The following XPR1 variants were observed in gnomAD, a reference collection of about 807,000 sequenced individuals.
XPR1 encodes xenotropic and polytropic retrovirus receptor 1.
In XPR1, 28 loss-of-function variants were observed where a neutral mutation model predicts 87.5. The observed-to-expected ratio is 0.32, with a 90% CI of 0.24 to 0.44. The LOEUF is 0.44. XPR1 is among the 20% of genes least tolerant of loss of function. XPR1 has a pLI of 1.00. For synonymous variants in XPR1, 300 were observed against 306.1 expected (o/e 0.98, Z 0.21); for missense variants, 559 against 862.3 (o/e 0.65, Z 4.41).
At chr1:180,744,646 A>ATTTTTTTTTTTT (rs1295757177) in intron 2 of XPR1, among the ~76,000 whole-genome samples, 19 of 48,156 alleles carry the variant, frequency 3.9e-4, no homozygotes, top group African/African-American at 8.3e-4. Context: ...TTTAGGCACA[A>ATTTTTTTTTTTT]TTTCTTTCTT....
At chr1:180,803,750 A>G (rs1649881333) in intron 4 of XPR1, 139 bp downstream of exon 4, 3 of 698,216 alleles carry the variant, frequency 4.3e-6, no homozygotes, top group Non-Finnish European at 7.0e-6. Flanking sequence ...TGGGGTTCCT[A>G]CTGGCTAAAA....
chr1:180,841,746 A>G (rs1651522086), intron 11 of XPR1, among the ~76,000 whole-genome samples: 7 of 152,196 alleles, frequency 4.6e-5, no homozygotes, highest in Admixed American at 4.6e-4. Context: ...AGAAACAAAA[A>G]CACTTTTTAG....
chr1:180,632,377 A>C (rs963249936), intron 1 of XPR1, 107 bp downstream of exon 1: 2 of 1,419,226 alleles, frequency 1.4e-6, no homozygotes, highest in African/African-American at 2.8e-5. Context: ...GCCCGGGCAG[A>C]CTTTGACCCG....
chr1:180,658,950 G>A (rs1241139667), intron 1 of XPR1, among the ~76,000 whole-genome samples: 1 of 152,120 alleles, frequency 6.6e-6, no homozygotes, highest in Non-Finnish European at 1.5e-5. Context: ...TTGCATTCCT[G>A]GGATAAATCT....
At chr1:180,685,787 A>T (rs1322726421) in intron 2 of XPR1, among the ~76,000 whole-genome samples, 24 of 152,128 alleles carry the variant, frequency 1.6e-4, no homozygotes, top group Non-Finnish European at 4.4e-5. Flanking sequence ...AGGTGTTTAT[A>T]GTATTCTCTG....
At chr1:180,670,354 T>A (rs1016362258) in intron 1 of XPR1, among the ~76,000 whole-genome samples, 1 of 152,198 alleles carries the variant, frequency 6.6e-6, no homozygotes, top group Admixed American at 6.5e-5. Context: ...ATGTTTACAT[T>A]TCTTTTTCAT....
intron 6 of XPR1, among the ~76,000 whole-genome samples, chr1:180,807,216 G>A (rs537931889): frequency 2.0e-5 from 3 of 152,144 alleles, no homozygotes; most frequent in African/African-American, 4.8e-5. Flanking sequence ...TAGCCAGTGC[G>A]GTAAGGGAAG....
In XPR1 at chr1:180,835,496, A is replaced by ACCC. The variant is rs111339401; in HGVS notation, c.1306+457_1306+459dup. Among the ~76,000 whole-genome samples the ACCC allele has an allele frequency of 7.9e-3, 1,185 of 150,334 alleles. 17 individuals carry two copies. Among genetic ancestry groups the ACCC allele is most frequent in the African/African-American group, 0.027 (1,087 of 40,516 alleles). ...TTATTTTTCTTCTGGCCGTTTTCGC[A>ACCC]CCCCCCCCTTAGTTTATGCCAGCAG... On this transcript the variant is annotated intron_variant, in intron 10 of 14. Transcript: ENST00000367590.
rs577444269 is a variant in XPR1 at position 180,828,935 on chromosome 1, G to A, written c.1134+3591G>A. On this transcript the variant is annotated intron_variant, in intron 9 of 14. Coordinates refer to ENST00000367590, the MANE Select transcript of XPR1 (RefSeq NM_004736.4). The stretch of plus-strand genomic sequence containing the variant: ...TTTGAGGCCAGGCACAGTAGCTCAT[G>A]CCTGTAATCCTAGCACTTTGAGAGG... Among the ~76,000 whole-genome samples the A allele has an allele frequency of 2.0e-5, 3 of 152,276 alleles. No homozygotes were observed. The South Asian group carries it at 6.2e-4, about 32-fold the overall frequency.
intron 2 of XPR1, among the ~76,000 whole-genome samples, chr1:180,777,222 C>T (rs1287444056): frequency 1.3e-5 from 2 of 152,154 alleles, no homozygotes; most frequent in African/African-American, 4.8e-5. Flanking sequence ...CTCCAGTGCC[C>T]TCACCCTAGT....
intron 2 of XPR1, among the ~76,000 whole-genome samples, chr1:180,682,832 G>A (rs907215918): frequency 6.6e-6 from 1 of 151,744 alleles, no homozygotes; most frequent in Non-Finnish European, 1.5e-5. Context: ...GTGTGTGTGT[G>A]CGTGTGTGTG....
intron 1 of XPR1, among the ~76,000 whole-genome samples, chr1:180,647,601 A>G (rs987182401): frequency 6.6e-6 from 1 of 152,130 alleles, no homozygotes; most frequent in Non-Finnish European, 1.5e-5. Flanking sequence ...CAAGCTTTAG[A>G]ATATAGCACT....
chr1:180,750,612 C>T (rs528855019), intron 2 of XPR1, among the ~76,000 whole-genome samples: 206 of 152,108 alleles, frequency 1.4e-3, no homozygotes, highest in African/African-American at 4.6e-3. Context: ...TAGGGTTTAT[C>T]TTTATGCAGG....
chr1:180,864,857 CTA>C (rs1652336377), intron 12 of XPR1, among the ~76,000 whole-genome samples: 1 of 152,118 alleles, frequency 6.6e-6, no homozygotes, highest in African/African-American at 2.4e-5. Context: ...CACTAACTAG[CTA>C]TATAATTGTC....
chr1:180,863,905 A>G (rs373644019), intron 12 of XPR1, 31 bp downstream of exon 12: 68 of 1,542,538 alleles, frequency 4.4e-5, no homozygotes, highest in Non-Finnish European at 5.9e-5. Flanking sequence ...TGTTTAAAAG[A>G]ACAAACTTAG....
rs778529932 is a variant in XPR1, at chr1:180,648,051, C to A, written c.69+15781C>A. On this transcript the variant is annotated intron_variant, in intron 1 of 14. Coordinates refer to ENST00000367590, the MANE Select transcript of XPR1 (RefSeq NM_004736.4). The stretch of plus-strand genomic sequence containing the variant: ...GAAATTTGGTTAGATAGACCAAGGA[C>A]CTGAATATTTAATTTTAGTTTACTA... 3.9e-5 allele frequency among the ~76,000 whole-genome samples: 6 copies of A among 152,094 alleles called. No homozygotes were observed. The South Asian group carries it at 1.0e-3, about 26-fold the overall frequency.
chr1:180,776,037 G>T (rs935696575), intron 2 of XPR1, among the ~76,000 whole-genome samples: 1 of 152,058 alleles, frequency 6.6e-6, no homozygotes, highest in African/African-American at 2.4e-5. Context: ...TGCCATTTTG[G>T]ATCCCAAACA....
intron 2 of XPR1, among the ~76,000 whole-genome samples, chr1:180,769,271 T>C (rs1379605588): frequency 6.6e-6 from 1 of 152,186 alleles, no homozygotes; most frequent in Non-Finnish European, 1.5e-5. Flanking sequence ...AATTATACTC[T>C]TTTAAGTTAT....
At chr1:180,704,245 G>GATAGATATATATATATATAT in intron 2 of XPR1, among the ~76,000 whole-genome samples, 1 of 66,054 alleles carries the variant, frequency 1.5e-5, no homozygotes, top group Non-Finnish European at 3.0e-5. Context: ...ATAGGTGCTG[G>GATAGATATATATATATATAT]ATATATATAT....
Sources: gnomAD v4.1 joint callset for allele counts (sites outside exome capture counted in the v4.1 genomes callset) on GRCh38, gnomAD v4.1.1 for gene constraint, MANE v1.5 for transcripts, NCBI Gene and HGNC (gene_info 2026-07-23, HGNC 2026-07-21) for gene names.